MTCL2: variants seen among roughly 807,000 people sequenced by gnomAD.
The protein encoded by MTCL2 is microtubule crosslinking factor 2, also known as microtubule cross-linking factor 2.
chr20:36,822,505 G>A, the MTCL2 span, among the ~76,000 whole-genome samples: 1 of 152,246 alleles, frequency 6.6e-6, no homozygotes, highest in Non-Finnish European at 1.5e-5. Context: ...TCTAGGAGAA[G>A]CCTGAGCTAT....
At chr20:36,854,404 C>A in the MTCL2 span, among the ~76,000 whole-genome samples, 2 of 152,148 alleles carry the variant, frequency 1.3e-5, no homozygotes, top group Admixed American at 1.3e-4. Flanking sequence ...ACACAGGAGC[C>A]TGACCTGGGG....
At chr20:36,804,788 C>A in the MTCL2 span, 1 of 1,613,948 alleles carries the variant, frequency 6.2e-7, no homozygotes, top group East Asian at 2.2e-5. Context: ...GTAGCCTTGG[C>A]CTTGGCAAAC....
chr20:36,805,020 C>A, the MTCL2 span: 1 of 1,071,176 alleles, frequency 9.3e-7, no homozygotes, highest in African/African-American at 1.6e-5. Flanking sequence ...CAGGCAAGTC[C>A]CACAACCTCC....
the MTCL2 span, chr20:36,816,110 G>A: frequency 1.9e-6 from 3 of 1,613,534 alleles, no homozygotes; most frequent in East Asian, 4.5e-5. Context: ...CCTTCAGCTC[G>A]GTCTCCCGCG....
the MTCL2 span, among the ~76,000 whole-genome samples, chr20:36,788,613 A>G: frequency 6.6e-6 from 1 of 152,100 alleles, no homozygotes; most frequent in African/African-American, 2.4e-5. Flanking sequence ...ACTCCAGCCT[A>G]GGCAACAGAG....
chr20:36,861,504 T>C, the MTCL2 span, among the ~76,000 whole-genome samples: 1 of 152,118 alleles, frequency 6.6e-6, no homozygotes, highest in African/African-American at 2.4e-5. Flanking sequence ...ACCAACACTC[T>C]AATGAGGGAG....
chr20:36,811,916 G>A, the MTCL2 span, among the ~76,000 whole-genome samples: 2 of 152,322 alleles, frequency 1.3e-5, no homozygotes, highest in African/African-American at 4.8e-5. Context: ...GTCCGTAGGA[G>A]CCTTTTCCTG....
At chr20:36,794,585 G>T in the MTCL2 span, 1 of 1,614,012 alleles carries the variant, frequency 6.2e-7, no homozygotes, top group South Asian at 1.1e-5. This position sits in a 1 kb window ranked among gnomAD's most constrained non-coding sequence, Gnocchi z 5.4. Context: ...AGACATGGAA[G>T]AAACAGATTT....
At chr20:36,854,145 A>G in the MTCL2 span, among the ~76,000 whole-genome samples, 16 of 152,262 alleles carry the variant, frequency 1.1e-4, no homozygotes, top group Middle Eastern at 3.4e-3. Flanking sequence ...CCTGGAGAGA[A>G]GCACAAGACC....
the MTCL2 span, chr20:36,829,077 TCTGCAGCAC>T: frequency 1.3e-6 from 2 of 1,554,826 alleles, no homozygotes; most frequent in Non-Finnish European, 1.7e-6. Context: ...TCCAGCTCCG[TCTGCAGCAC>T]CTGCTTAGCC....
At chr20:36,858,463 AACACACACACACACACACAC>A in the MTCL2 span, among the ~76,000 whole-genome samples, 37 of 25,800 alleles carry the variant, frequency 1.4e-3, no homozygotes, top group South Asian at 5.6e-3. Context: ...AAGGAGGGAA[AACACACACACACACACACAC>A]ACACACACAC....
the MTCL2 span, chr20:36,828,527 C>T: frequency 2.0e-5 from 3 of 153,580 alleles, no homozygotes; most frequent in Non-Finnish European, 4.3e-5. Flanking sequence ...GGGTCACATT[C>T]GGGAAGCACC....
At chr20:36,861,892 C>T in the MTCL2 span, among the ~76,000 whole-genome samples, 1 of 152,246 alleles carries the variant, frequency 6.6e-6, no homozygotes, top group Non-Finnish European at 1.5e-5. Context: ...CACATGGCCA[C>T]AGGGAAGTCC....
the MTCL2 span, among the ~76,000 whole-genome samples, chr20:36,845,229 G>A: frequency 6.6e-6 from 1 of 152,178 alleles, no homozygotes. Context: ...CTGATGAAGG[G>A]CGTTTCCTTC....
the MTCL2 span, chr20:36,816,371 G>A: frequency 2.6e-5 from 35 of 1,360,270 alleles, no homozygotes; most frequent in Non-Finnish European, 3.2e-5. Context: ...TACCAGCCAT[G>A]GCATTTTGGG....
At chr20:36,859,140 G>A in the MTCL2 span, among the ~76,000 whole-genome samples, 2 of 152,202 alleles carry the variant, frequency 1.3e-5, no homozygotes, top group South Asian at 2.1e-4. Flanking sequence ...AGAGAAGCCA[G>A]GTAACTTGCC....
chr20:36,844,548 C>T, the MTCL2 span, among the ~76,000 whole-genome samples: 2 of 148,832 alleles, frequency 1.3e-5, no homozygotes, highest in Non-Finnish European at 1.5e-5. Context: ...GATGGATTAC[C>T]TGGTCTGGTA....
the MTCL2 span, among the ~76,000 whole-genome samples, chr20:36,803,678 G>A: frequency 1.9e-4 from 29 of 151,934 alleles, no homozygotes; most frequent in African/African-American, 6.8e-4. Flanking sequence ...AATTGGGGCC[G>A]GGAGTGGTGG....
the MTCL2 span, among the ~76,000 whole-genome samples, chr20:36,790,851 A>G: frequency 6.6e-6 from 1 of 151,844 alleles, no homozygotes; most frequent in South Asian, 2.1e-4. Context: ...CTGGGATTAG[A>G]GACATGAGCC....
Sources: allele counts gnomAD v4.1 joint callset (sites outside exome capture counted in the v4.1 genomes callset), GRCh38; gene constraint gnomAD v4.1.1; non-coding constraint Gnocchi (gnomAD v3.1); transcripts MANE v1.5; gene names NCBI Gene and HGNC (gene_info 2026-07-23, HGNC 2026-07-21).